Variants in MAEA observed in about 807,000 individuals in gnomAD.
MAEA encodes macrophage erythroblast attacher, E3 ubiquitin ligase.
Under a neutral mutation model 46.2 loss-of-function variants are expected in MAEA, and 22 were observed. The observed-to-expected ratio is 0.48, with a 90% CI of 0.34 to 0.68. The LOEUF (loss-of-function observed/expected upper bound fraction) is 0.68. Ranked by LOEUF, MAEA falls within the 30% of genes least tolerant of loss-of-function variation. MAEA has a pLI of 0.01. For synonymous variants in MAEA, 246 were observed against 222.6 expected, an observed-to-expected ratio of 1.11 and a Z score of -0.94; for missense variants, 393 against 558.1, an observed-to-expected ratio of 0.70 and a Z score of 2.98.
chr4:1,322,268 AT>A, intron 3 of MAEA, 112 bp from the exon 4 acceptor site: 1 of 1,430,388 alleles, frequency 7.0e-7, no homozygotes, highest in East Asian at 2.3e-5. Flanking sequence ...CTGGAGATGC[AT>A]CTCGAGTGGT....
intron 5 of MAEA, chr4:1,330,310 T>TTCCCTCTCTC (rs1711524352): frequency 7.7e-6 from 1 of 130,244 alleles, no homozygotes; most frequent in Non-Finnish European, 1.5e-5. Flanking sequence ...TTCTGGGTGT[T>TTCCCTCTCTC]TCTCTCTCTC....
chr4:1,294,588 C>G lies in MAEA; in HGVS notation c.69+4606C>G, dbSNP rs73796053. ...GGTGCACTTAGCTTCTCCCATACCCCCCTCCGCAGCAGTGGTCTGAGAGCC... is the reference window on the plus strand; with the variant it reads ...GGTGCACTTAGCTTCTCCCATACCCGCCTCCGCAGCAGTGGTCTGAGAGCC... On this transcript the variant is annotated intron_variant, in intron 1 of 8. Coordinates refer to ENST00000303400, the MANE Select transcript of MAEA (RefSeq NM_001017405.3). 2.4e-4 allele frequency among the ~76,000 whole-genome samples: 37 copies of G among 151,470 alleles called. No individual in the cohort carries two copies. In the South Asian group the frequency reaches 6.3e-3, roughly 26 times the overall value.
At chr4:1,307,406 A>AT (rs71168825) in intron 1 of MAEA, among the ~76,000 whole-genome samples, 78,735 of 152,046 alleles carry the variant, frequency 0.52, 20,486 homozygotes, top group Admixed American at 0.58. Flanking sequence ...AAGCAGAGTT[A>AT]GCAGATTTGT....
At chr4:1,303,399 C>CA (rs575075038) in intron 1 of MAEA, among the ~76,000 whole-genome samples, 4 of 116,568 alleles carry the variant, frequency 3.4e-5, no homozygotes, top group Non-Finnish European at 4.9e-5. Flanking sequence ...GACTCTGTCT[C>CA]AAAAAAAAAA....
chr4:1,320,134 A>C (rs978180261), intron 3 of MAEA, among the ~76,000 whole-genome samples: 3 of 150,680 alleles, frequency 2.0e-5, no homozygotes, highest in African/African-American at 7.4e-5. Context: ...AAGGGGCTTC[A>C]GAAAAGAATC....
rs537291261 is a variant in MAEA at position 1,337,170 on chromosome 4, G to A, written c.899+176G>A. The stretch of plus-strand genomic sequence containing the variant: ...GGTCGGGGTGGGGCCGTGTTGAGGG[G>A]CCTCGGATGCGTCGTGCAGCCTTCA... On this transcript the variant is annotated intron_variant, in intron 7 of 8. Transcript: ENST00000303400. The A allele has an allele frequency of 1.8e-5, 13 of 703,328 alleles. No individual in the cohort carries two copies. The Admixed American group carries it at 3.6e-4, about 19-fold the overall frequency. 43.6% of individuals were successfully genotyped at this position (703,328 alleles called of 1,614,324 possible).
In MAEA at chr4:1,336,971, T is replaced by A. The variant is rs1128427; in HGVS notation, c.876T>A (p.Ala292=). The A allele has an allele frequency of 6.2e-7, 1 of 1,613,786 alleles. No homozygotes were observed. The highest frequency in any genetic ancestry group is 8.5e-7 in the Non-Finnish European group (1 of 1,179,956). ...NNSVFTLTLQ[A]GLSAIKTPQC... ...CTGTGTTCACCCTCACCCTGCAGGCTGGCCTCTCAGCCATCAAGACACCGT... is the reference window on the plus strand; with the variant it reads ...CTGTGTTCACCCTCACCCTGCAGGCAGGCCTCTCAGCCATCAAGACACCGT... Residue 292 remains alanine, a synonymous_variant, in exon 7 of 9, where the codon GCT becomes GCA. Coordinates refer to ENST00000303400, the MANE Select transcript of MAEA (RefSeq NM_001017405.3).
chr4:1,318,956 G>A (rs1291054690), intron 3 of MAEA, among the ~76,000 whole-genome samples: 2 of 114,750 alleles, frequency 1.7e-5, no homozygotes, highest in African/African-American at 7.7e-5. Context: ...TGCTGCCCAG[G>A]GAAGGCCACA....
chr4:1,301,684 G>A (rs961807511), intron 1 of MAEA, among the ~76,000 whole-genome samples: 1 of 151,906 alleles, frequency 6.6e-6, no homozygotes, highest in African/African-American at 2.4e-5. Context: ...CTGAGCAGCA[G>A]AGTGACGCCC....
chr4:1,328,991 C>A, intron 5 of MAEA: 7 of 988,512 alleles, frequency 7.1e-6, no homozygotes, highest in Non-Finnish European at 8.4e-6. Context: ...CCGCTCTGCT[C>A]TGGCCTCCGT....
Position 1,312,125 on chromosome 4 carries a change from C to T in MAEA, c.216C>T (p.Asp72=), listed in dbSNP as rs767695904. 4.0e-5 allele frequency: 64 copies of T among 1,613,918 alleles called. No homozygotes were observed. In the East Asian group the frequency reaches 8.0e-4, roughly 20 times the overall value. ...PAVDSVVSLL[D]GVVEKLSVLK... The stretch of plus-strand genomic sequence containing the variant: ...TGGACTCCGTGGTCAGCCTGCTGGA[C>T]GGCGTGGTGGAGAAGCTCAGCGTCC... The change falls in exon 2 of 9, where the codon GAC becomes GAT. Residue 72 remains aspartate (D), a synonymous_variant. Transcript: ENST00000303400.
chr4:1,328,593 T>C, intron 5 of MAEA: 2 of 1,202,370 alleles, frequency 1.7e-6, no homozygotes, highest in Non-Finnish European at 2.1e-6. Flanking sequence ...CACCTGTCCA[T>C]GCCCACAGAA....
At chr4:1,310,886 A>G (rs976315087) in intron 1 of MAEA, among the ~76,000 whole-genome samples, 32 of 152,252 alleles carry the variant, frequency 2.1e-4, no homozygotes, top group African/African-American at 7.7e-4. Context: ...GGCTGAGGCC[A>G]GTCCTGTCTC....
intron 7 of MAEA, chr4:1,337,546 G>A: frequency 5.3e-6 from 1 of 189,238 alleles, no homozygotes; most frequent in Non-Finnish European, 1.1e-5. Context: ...GGCCCTGCCT[G>A]TGACTGAGTC....
intron 6 of MAEA, 24 bp from the exon 7 acceptor site, chr4:1,336,837 G>A (rs773902450): frequency 1.2e-6 from 2 of 1,609,530 alleles, no homozygotes; most frequent in Non-Finnish European, 1.7e-6. Context: ...GCATCCCCAG[G>A]ACCCTCTGCT....
In MAEA at chr4:1,322,449, G is replaced by T; in HGVS notation, c.525G>T (p.Thr175=). The T allele has an allele frequency of 2.5e-6, 4 of 1,614,030 alleles. No individual in the cohort carries two copies. Among genetic ancestry groups the T allele is most frequent in the Non-Finnish European group, 3.4e-6 (4 of 1,180,016 alleles). The change falls in exon 4 of 9, where the codon ACG becomes ACT. Residue 175 remains threonine (T), a synonymous_variant. Coordinates refer to ENST00000303400, the MANE Select transcript of MAEA (RefSeq NM_001017405.3). ...EVEESLERRE[T]ATCLAWCHDN... is the part of the protein sequence containing the mutation. The stretch of plus-strand genomic sequence containing the variant: ...AGGAGTCCCTGGAGAGGCGTGAGAC[G>T]GCCACCTGCCTGGCCTGGTGCCATG...
chr4:1,334,892 T>C, intron 6 of MAEA: 1 of 985,418 alleles, frequency 1.0e-6, no homozygotes, highest in Non-Finnish European at 1.2e-6. Flanking sequence ...CTTTGATTTT[T>C]AGACAAAAAT....
chr4:1,300,431 T>C (rs1368069443), intron 1 of MAEA, among the ~76,000 whole-genome samples: 3 of 152,170 alleles, frequency 2.0e-5, no homozygotes, highest in African/African-American at 7.2e-5. Context: ...CTGGCTCCCT[T>C]TGAAATACTT....
At chr4:1,327,416 G>T (rs1160651957) in intron 4 of MAEA, among the ~76,000 whole-genome samples, 1 of 152,222 alleles carries the variant, frequency 6.6e-6, no homozygotes, top group Non-Finnish European at 1.5e-5. Flanking sequence ...AGCAGGGGGC[G>T]GGACTCACAT....
Sources: allele counts gnomAD v4.1 joint callset (sites outside exome capture counted in the v4.1 genomes callset), GRCh38; gene constraint gnomAD v4.1.1; transcripts MANE v1.5; gene names NCBI Gene and HGNC (gene_info 2026-07-23, HGNC 2026-07-21).